The following COL5A1 variants were observed in gnomAD, a reference collection of about 807,000 sequenced individuals.
COL5A1 encodes collagen alpha-1(V) chain.
In COL5A1, 16 loss-of-function variants were observed where a neutral mutation model predicts 263.7. That is an observed-to-expected ratio of 0.06 (90% CI 0.04 to 0.09). The LOEUF is 0.09. Among genes scored for constraint, COL5A1 ranks in the 10% least tolerant of loss-of-function variants. COL5A1 has a pLI of 1.00. For synonymous variants in COL5A1, 1,012 were observed against 1,004.5 expected (o/e 1.01, Z -0.14); for missense variants, 2,036 against 2,540.5 (o/e 0.80, Z 4.27).
Position 134,746,843 on chromosome 9 carries a change from G to A in COL5A1, c.1495-3699G>A, listed in dbSNP as rs149054181. 1.2e-3 allele frequency among the ~76,000 whole-genome samples: 184 copies of A among 152,358 alleles called. 1 individual carries two copies. The Middle Eastern group carries it at 0.024, about 20-fold the overall frequency. On this transcript the variant is annotated intron_variant, in intron 11 of 65. Coordinates refer to ENST00000371817, the MANE Select transcript of COL5A1 (RefSeq NM_000093.5). ...CTGTGGCTGGAGCCAAGCAGCATCC[G>A]CATGACCTGTGTGTGGGCCTGCTGG... is the stretch of plus-strand genomic sequence containing the variant.
intron 43 of COL5A1, among the ~76,000 whole-genome samples, chr9:134,809,593 C>A (rs1421901977): frequency 6.6e-6 from 1 of 152,200 alleles, no homozygotes; most frequent in Admixed American, 6.5e-5. Flanking sequence ...CTCCCCGGTC[C>A]CCCCGAATAA....
In COL5A1 at chr9:134,789,611, C is replaced by G. The variant is rs1055812216; in HGVS notation, c.2700+403C>G. ...CCTTCAAAAATGTCCTGCTACTTAA[C>G]CGTCGTCCAAATTTAAAGTCATTTA... On this transcript the variant is annotated intron_variant, in intron 32 of 65. Transcript: ENST00000371817. The surrounding 1 kb of genome is among the most constrained non-coding windows in gnomAD (Gnocchi z 4.8). Among the ~76,000 whole-genome samples the G allele has an allele frequency of 6.6e-6, 1 of 152,188 alleles. No individual in the cohort carries two copies. Among genetic ancestry groups the G allele is most frequent in the Non-Finnish European group, 1.5e-5 (1 of 68,032 alleles).
chr9:134,646,178 G>T (rs370630578), intron 1 of COL5A1, among the ~76,000 whole-genome samples: 10 of 152,298 alleles, frequency 6.6e-5, no homozygotes, highest in African/African-American at 2.4e-4. Context: ...TGGGGAGACC[G>T]AGGCAAATGG....
chr9:134,804,994 G>T lies in COL5A1; in HGVS notation c.3134G>T (p.Gly1045Val). ...TTTCAGGGTGACCCAGGCCCTGCAG[G>T]CCTCCCTGGGAAAGATGGCCCTCCA... The part of the protein sequence containing the change: ...EGTKGDPGPA[G>V]LPGKDGPPGL... The change falls in exon 40 of 66, where the codon GGC (glycine) becomes GTC (valine). Residue 1045 changes from glycine to valine, a missense_variant. Physicochemically the swap from Gly to Val is moderately radical, Grantham distance 109. Transcript: ENST00000371817. 1 of 1,613,828 alleles carries T rather than the reference G, an allele frequency of 6.2e-7. No individual in the cohort carries two copies. Among genetic ancestry groups the T allele is most frequent in the Non-Finnish European group, 8.5e-7 (1 of 1,179,982 alleles).
In COL5A1 at chr9:134,818,859, T is replaced by C; in HGVS notation, c.4350T>C (p.Gly1450=). 1 of 1,612,828 alleles carries C rather than the reference T, an allele frequency of 6.2e-7. No homozygotes were observed. The highest frequency in any genetic ancestry group is 8.5e-7 in the Non-Finnish European group (1 of 1,179,772). The change falls in exon 56 of 66, where the codon GGT becomes GGC. Residue 1450 remains glycine (G), a synonymous_variant. Coordinates refer to ENST00000371817, the MANE Select transcript of COL5A1 (RefSeq NM_000093.5). The surrounding 1 kb of genome is among the most constrained non-coding windows in gnomAD (Gnocchi z 6.0). ...TCTCTGTGTTTCAGGGAGAACAAGG[T>C]CTCCCAGGATCCCCAGGCCCGGACG... The part of the protein sequence containing the change: ...RGIPGPVGEQ[G]LPGSPGPDGP...
chr9:134,784,908 G>A, intron 29 of COL5A1, 81 bp from the exon 30 acceptor site: 1 of 1,206,806 alleles, frequency 8.3e-7, no homozygotes, highest in East Asian at 2.3e-5. Context: ...CTGTCCCCTT[G>A]CTCCTTGCTC....
chr9:134,700,049 T>C lies in COL5A1; in HGVS notation c.418T>C (p.Tyr140His). ...GCTGGGCCGCTCTCCCGTCTTCCTC[T>C]ACGAGGACCACACGGGGAAGCCTGG... ...LELGRSPVFL[Y>H]EDHTGKPGPE... Residue 140 changes from tyrosine (Y) to histidine (H), a missense_variant, in exon 3 of 66, where the codon TAC (tyrosine) becomes CAC (histidine). By Grantham distance (83) the Tyr-to-His change is moderately conservative (BLOSUM62 2). Around this residue, in one of 3 missense-constraint regions of COL5A1, gnomAD observed 600 missense variants for 634.5 expected, o/e 0.95. Coordinates refer to ENST00000371817, the MANE Select transcript of COL5A1 (RefSeq NM_000093.5). The surrounding 1 kb of genome is among the most constrained non-coding windows in gnomAD (Gnocchi z 4.0). 6.2e-7 allele frequency: 1 copy of C among 1,613,398 alleles called. No homozygotes were observed. The highest frequency in any genetic ancestry group is 8.5e-7 in the Non-Finnish European group (1 of 1,180,040).
chr9:134,793,189 C>T (rs1837780089), intron 32 of COL5A1, among the ~76,000 whole-genome samples: 1 of 151,784 alleles, frequency 6.6e-6, no homozygotes, highest in South Asian at 2.1e-4. Context: ...GGGGGAAAGA[C>T]CCGCTCTTCA....
intron 4 of COL5A1, among the ~76,000 whole-genome samples, chr9:134,724,728 C>T (rs942924083): frequency 1.3e-5 from 2 of 152,204 alleles, no homozygotes; most frequent in African/African-American, 2.4e-5. Context: ...AAAGCCACGT[C>T]ACAGCCACCG....
Position 134,724,454 on chromosome 9 carries a change from C to T in COL5A1, c.655-2812C>T, listed in dbSNP as rs193038326. On this transcript the variant is annotated intron_variant, in intron 4 of 65. Coordinates refer to ENST00000371817, the MANE Select transcript of COL5A1 (RefSeq NM_000093.5). The stretch of plus-strand genomic sequence containing the variant: ...GGCAGCACAGAGCTTACTGCTTTTC[C>T]AAGTGTGCCTGCGGGCTGGGATTCC... Among the ~76,000 whole-genome samples, 3 of 152,334 alleles carry T rather than the reference C, an allele frequency of 2.0e-5. No homozygotes were observed. In the East Asian group the frequency reaches 5.8e-4, roughly 29 times the overall value.
chr9:134,769,711 G>C (rs1432745671), intron 25 of COL5A1, among the ~76,000 whole-genome samples: 1 of 152,126 alleles, frequency 6.6e-6, no homozygotes, highest in Non-Finnish European at 1.5e-5. Context: ...ACCTGGGTGT[G>C]AAGCAGGCCA....
intron 20 of COL5A1, among the ~76,000 whole-genome samples, chr9:134,764,031 A>G (rs1386786947): frequency 1.7e-3 from 57 of 33,792 alleles, no homozygotes; most frequent in Admixed American, 3.1e-3. Context: ...CATTGTGGGG[A>G]GTCGGGGGCA....
Position 134,814,843 on chromosome 9 carries a change from G to C in COL5A1, c.3953G>C (p.Gly1318Ala). ...GAGAAGGGCGAGTCAGGCCCTTCAG[G>C]TGCTGCCGGACCCCCTGGACCCAAA... ...RGEKGESGPS[G>A]AAGPPGPKGP... The change falls in exon 50 of 66, where the codon GGT becomes GCT. Residue 1318 changes from glycine to alanine, a missense_variant. Physicochemically the swap from Gly to Ala is moderately conservative, Grantham distance 60 (BLOSUM62 0). Transcript: ENST00000371817. The C allele has an allele frequency of 6.4e-7, 1 of 1,551,852 alleles. No individual in the cohort carries two copies. The highest frequency in any genetic ancestry group is 8.7e-7 in the Non-Finnish European group (1 of 1,147,272).
chr9:134,727,919 T>C (rs3128589), intron 5 of COL5A1, among the ~76,000 whole-genome samples: 108,714 of 152,140 alleles, frequency 0.71, 39,209 homozygotes, highest in East Asian at 0.91. Context: ...CCCCTCCCGC[T>C]GCACACCCTC....
At position 134,823,478 on chromosome 9, in the gene COL5A1, C is replaced by T. The variant is rs753030199; in HGVS notation, c.4698+9C>T. The T allele has an allele frequency of 3.1e-6, 5 of 1,613,962 alleles. No homozygotes were observed. Among genetic ancestry groups the T allele is most frequent in the Non-Finnish European group, 4.2e-6 (5 of 1,179,924 alleles). On this transcript the variant is annotated intron_variant, in intron 61 of 65. Transcript: ENST00000371817. Reference sequence around the variant, plus strand: ...GACCCCCAGGCCCCCCGGTAAGTAGCCCTTGAAGCCCAGAAAGCGGGACGG... The same window carrying T: ...GACCCCCAGGCCCCCCGGTAAGTAGTCCTTGAAGCCCAGAAAGCGGGACGG...
intron 9 of COL5A1, among the ~76,000 whole-genome samples, chr9:134,736,370 G>C (rs1230649085): frequency 6.6e-6 from 1 of 152,218 alleles, no homozygotes; most frequent in African/African-American, 2.4e-5. Context: ...GGCATCGCAT[G>C]GTGAGAAGGA....
intron 63 of COL5A1, among the ~76,000 whole-genome samples, chr9:134,827,281 C>T (rs945718628): frequency 2.0e-5 from 3 of 152,200 alleles, no homozygotes; most frequent in Non-Finnish European, 4.4e-5. Flanking sequence ...GCTCAGTAGC[C>T]ACTTTGGGTT....
intron 2 of COL5A1, among the ~76,000 whole-genome samples, 196 bp downstream of exon 2, chr9:134,691,275 T>C (rs990696156): frequency 6.6e-6 from 1 of 151,488 alleles, no homozygotes; most frequent in African/African-American, 2.4e-5. Context: ...TGGACGGGAC[T>C]GGGCTTTGTC....
chr9:134,709,564 G>C lies in COL5A1; in HGVS notation c.654+8231G>C, dbSNP rs1478107154. ...GGTAGGTGCCAGTGACCCTGCTGGT[G>C]ATCTGTGTGGCACCCAGCAAGGAGG... On this transcript the variant is annotated intron_variant, in intron 4 of 65. Coordinates refer to ENST00000371817, the MANE Select transcript of COL5A1 (RefSeq NM_000093.5). 5.9e-5 allele frequency among the ~76,000 whole-genome samples: 9 copies of C among 152,318 alleles called. No individual in the cohort carries two copies. The East Asian group carries it at 9.6e-4, about 16-fold the overall frequency.
Sources: allele counts gnomAD v4.1 joint callset (sites outside exome capture counted in the v4.1 genomes callset), GRCh38; gene constraint gnomAD v4.1.1; regional missense constraint gnomAD v4.1.1; non-coding constraint Gnocchi (gnomAD v3.1); transcripts MANE v1.5; gene names NCBI Gene and HGNC (gene_info 2026-07-23, HGNC 2026-07-21).